DNAH5: variants seen among roughly 807,000 people sequenced by gnomAD.
The protein encoded by DNAH5 is dynein axonemal heavy chain 5.
In DNAH5, 372 loss-of-function variants were observed where a neutral mutation model predicts 518.2. The ratio of observed to expected loss-of-function variants is 0.72; its 90% CI spans 0.66 to 0.78. The LOEUF (loss-of-function observed/expected upper bound fraction) is 0.78, where lower values mean the gene tolerates loss of function less well. DNAH5 is among the 30% of genes least tolerant of loss of function. The pLI, the probability that DNAH5 is intolerant of heterozygous loss-of-function variation, is 0.00. For synonymous variants in DNAH5, 2,039 were observed against 2,025.9 expected, an observed-to-expected ratio of 1.01 and a Z score of -0.17; for missense variants, 5,523 against 5,687.0, an observed-to-expected ratio of 0.97 and a Z score of 0.93.
At chr5:13,943,880 T>C (rs575925484) in intron 1 of DNAH5, among the ~76,000 whole-genome samples, 57 of 152,328 alleles carry the variant, frequency 3.7e-4, no homozygotes, top group African/African-American at 1.4e-3. Flanking sequence ...AAAAAGCTGC[T>C]GAGCTGAGCC....
chr5:13,698,587 G>A (rs772706049), intron 78 of DNAH5, among the ~76,000 whole-genome samples: 11 of 152,170 alleles, frequency 7.2e-5, no homozygotes, highest in Non-Finnish European at 1.3e-4. Flanking sequence ...TATAACTAAT[G>A]CCTGAAGTCA....
chr5:13,886,618 T>A (rs1000525514), intron 17 of DNAH5, among the ~76,000 whole-genome samples: 1 of 152,164 alleles, frequency 6.6e-6, no homozygotes, highest in African/African-American at 2.4e-5. Flanking sequence ...CTGGAGGAGA[T>A]TAGGTAGACA....
intron 30 of DNAH5, 130 bp downstream of exon 30, chr5:13,859,322 C>T: frequency 4.2e-6 from 4 of 954,870 alleles, no homozygotes; most frequent in Non-Finnish European, 6.6e-6. Context: ...ACAGCATTAA[C>T]AGTGACAACA....
intron 1 of DNAH5, among the ~76,000 whole-genome samples, chr5:13,988,416 A>AT (rs34546274): frequency 1.3e-3 from 192 of 148,146 alleles, no homozygotes; most frequent in Non-Finnish European, 2.1e-3. Context: ...CAAAACACCA[A>AT]TTTTTTTTTT....
At position 13,864,436 on chromosome 5, in the gene DNAH5, G is replaced by C; in HGVS notation, c.4557C>G (p.Ile1519Met). ...TATATTTCAGAAGAGGTGCCTCCAT[G>C]ATATTTCTTAACTTAAAGCTTTCAT... is the stretch of plus-strand genomic sequence containing the variant. The part of the protein sequence containing the change: ...VGNESFKLRN[I>M]MEAPLLKYKE... The change falls in exon 28 of 79, where the codon ATC (isoleucine) becomes ATG (methionine). Residue 1519 changes from isoleucine to methionine, a missense_variant. Physicochemically the swap from Ile to Met is conservative, Grantham distance 10. Transcript: ENST00000265104. The C allele has an allele frequency of 1.2e-6, 2 of 1,614,078 alleles. No homozygotes were observed. Among genetic ancestry groups the C allele is most frequent in the African/African-American group, 2.7e-5 (2 of 75,022 alleles).
intron 78 of DNAH5, among the ~76,000 whole-genome samples, chr5:13,696,499 CTT>C (rs1482204050): frequency 1.3e-5 from 2 of 152,058 alleles, no homozygotes; most frequent in East Asian, 3.9e-4. Context: ...ATCTAGATTT[CTT>C]CTTGTAGAAA....
chr5:13,977,786 A>G (rs1473653876), intron 1 of DNAH5, among the ~76,000 whole-genome samples: 1 of 152,164 alleles, frequency 6.6e-6, no homozygotes, highest in African/African-American at 2.4e-5. Flanking sequence ...GAGCAGGGGA[A>G]GTCCTTGGTG....
chr5:13,785,190 C>T (rs1467233018), intron 52 of DNAH5, among the ~76,000 whole-genome samples: 1 of 151,860 alleles, frequency 6.6e-6, no homozygotes, highest in Non-Finnish European at 1.5e-5. Context: ...ATCAGGCATT[C>T]CATTCTCATA....
intron 30 of DNAH5, among the ~76,000 whole-genome samples, chr5:13,859,125 C>T (rs1407108084): frequency 6.6e-6 from 1 of 152,110 alleles, no homozygotes; most frequent in Admixed American, 6.5e-5. Flanking sequence ...AAGATAACTG[C>T]ACCATAATTC....
At chr5:13,813,785 A>T (rs1761041748) in intron 43 of DNAH5, among the ~76,000 whole-genome samples, 1 of 152,244 alleles carries the variant, frequency 6.6e-6, no homozygotes, top group Non-Finnish European at 1.5e-5. Flanking sequence ...ATTAGTAAAA[A>T]GTTAGGATAT....
chr5:14,001,044 GA>G (rs1784317676), intron 1 of DNAH5, among the ~76,000 whole-genome samples: 1 of 152,194 alleles, frequency 6.6e-6, no homozygotes, highest in South Asian at 2.1e-4. Flanking sequence ...ACACAGAACA[GA>G]AAACCAAATA....
At chr5:13,769,680 CTGGTCCAATAATGAGTGGTAA>C in intron 56 of DNAH5, 65 bp from the exon 57 acceptor site, 1 of 1,334,640 alleles carries the variant, frequency 7.5e-7, no homozygotes, top group Non-Finnish European at 1.1e-6. Flanking sequence ...TTCTCAAGTA[CTGGTCCAATAATGAGTGGTAA>C]TGGTTATATC....
chr5:13,724,907 C>G (rs1046035511), intron 70 of DNAH5, among the ~76,000 whole-genome samples: 2 of 152,244 alleles, frequency 1.3e-5, no homozygotes, highest in Non-Finnish European at 2.9e-5. Context: ...CCTGCAGAAC[C>G]ATGAGCCAAT....
chr5:13,771,744 C>T (rs567403337), intron 55 of DNAH5, among the ~76,000 whole-genome samples: 6 of 152,252 alleles, frequency 3.9e-5, no homozygotes, highest in Non-Finnish European at 8.8e-5. Context: ...ACAAGCATCA[C>T]ACAAAATACG....
intron 15 of DNAH5, chr5:13,899,718 G>T (rs954734120): frequency 5.9e-6 from 1 of 169,462 alleles, no homozygotes; most frequent in South Asian, 1.5e-4. Flanking sequence ...TCATGGAACT[G>T]CTCACACCAA....
At position 13,691,772 on chromosome 5, in the gene DNAH5, T is replaced by G. The variant is rs1740720586; in HGVS notation, c.*212A>C. ...TGCTGTAAATTTACTTTTATATCAC[T>G]AAATAACATTTTCAACAAACTCAGA... is the stretch of plus-strand genomic sequence containing the variant. On this transcript the variant is annotated 3_prime_UTR_variant, in exon 79 of 79. Coordinates refer to ENST00000265104, the MANE Select transcript of DNAH5 (RefSeq NM_001369.3). 1 of 601,782 alleles carries G rather than the reference T, an allele frequency of 1.7e-6. No individual in the cohort carries two copies. Among genetic ancestry groups the G allele is most frequent in the Non-Finnish European group, 2.9e-6 (1 of 346,894 alleles). The allele number at this position is 601,782 out of a possible 1,614,324, so 37.3% of individuals were successfully genotyped here.
chr5:13,714,630 AG>A lies in DNAH5; in HGVS notation c.12910-11del, dbSNP rs1744047732. The stretch of plus-strand genomic sequence containing the variant: ...CATAGGCAGGCAAACTCTGAACAAC[AG>A]ACACCCCAGATAAGCACAGACTGCC... On this transcript the variant is annotated splice_polypyrimidine_tract_variant and intron_variant, in intron 74 of 78. Transcript: ENST00000265104. 3 of 1,613,486 alleles carry A rather than the reference AG, an allele frequency of 1.9e-6. No homozygotes were observed. The highest frequency in any genetic ancestry group is 2.5e-6 in the Non-Finnish European group (3 of 1,179,808).
chr5:13,786,242 C>T lies in DNAH5; in HGVS notation c.8757G>A (p.Glu2919=), dbSNP rs115776799. The T allele has an allele frequency of 1.2e-6, 2 of 1,614,082 alleles. No homozygotes were observed. The highest frequency in any genetic ancestry group is 4.5e-5 in the East Asian group (2 of 44,874). ...RLNMFLQLYN[E]SIRGAGMDMV... is the part of the protein sequence containing the mutation. ...TGTCCATGCCGGCGCCACGGATGCTCTCATTATAGAGCTGCAGGAACATAT... is the reference window on the plus strand; with the variant it reads ...TGTCCATGCCGGCGCCACGGATGCTTTCATTATAGAGCTGCAGGAACATAT... Residue 2919 remains glutamate, a synonymous_variant, in exon 52 of 79, where the codon GAG becomes GAA. Transcript: ENST00000265104.
At position 13,913,832 on chromosome 5, in the gene DNAH5, T is replaced by C. The variant is rs1428626899; in HGVS notation, c.1447A>G (p.Ile483Val). The change falls in exon 11 of 79, where the codon ATA becomes GTA. Residue 483 changes from isoleucine (I) to valine (V), a missense_variant. By Grantham distance (29) the Ile-to-Val change is conservative (BLOSUM62 3). Coordinates refer to ENST00000265104, the MANE Select transcript of DNAH5 (RefSeq NM_001369.3). ...FETFHRRLAK[I>V]IDIFTTLKTY... is the part of the protein sequence containing the mutation. Reference sequence around the variant, plus strand: ...TTGAGGGTTGTAAAGATGTCTATTATCTTGGCAAGGCGTCGGTGAAAAGTT... The same window carrying C: ...TTGAGGGTTGTAAAGATGTCTATTACCTTGGCAAGGCGTCGGTGAAAAGTT... 6.2e-7 allele frequency: 1 copy of C among 1,613,724 alleles called. No homozygotes were observed. Among genetic ancestry groups the C allele is most frequent in the South Asian group, 1.1e-5 (1 of 91,080 alleles).
Sources: gnomAD v4.1 joint callset for allele counts (sites outside exome capture counted in the v4.1 genomes callset) on GRCh38, gnomAD v4.1.1 for gene constraint, MANE v1.5 for transcripts, NCBI Gene and HGNC (gene_info 2026-07-23, HGNC 2026-07-21) for gene names.